Variants in GTPBP1 observed in about 807,000 individuals in gnomAD.
GTPBP1 encodes the protein GTP-binding protein 1.
Under a neutral mutation model 62.0 loss-of-function variants are expected in GTPBP1, and 23 were observed. That is an observed-to-expected ratio of 0.37 (90% CI 0.27 to 0.53). The LOEUF is 0.53. Among genes scored for constraint, GTPBP1 ranks in the 20% least tolerant of loss-of-function variants. The probability of loss-of-function intolerance (pLI) is 0.89; values close to 1 mark genes in which losing one functional copy is unlikely to be tolerated. For missense variants in GTPBP1, 640 were observed against 917.3 expected, an observed-to-expected ratio of 0.70 and a Z score of 3.90; for synonymous variants, 344 against 364.4, an observed-to-expected ratio of 0.94 and a Z score of 0.64.
At chr22:38,740,581 C>T (rs1395675065), downstream of GTPBP1, 5 of 828,540 alleles carry the variant, frequency 6.0e-6, no homozygotes, top group East Asian at 8.8e-5. The surrounding 1 kb of genome is among the most constrained non-coding windows in gnomAD (Gnocchi z 4.8). Context: ...CAAGGCCTCT[C>T]CTGGGGGTTC....
At chr22:38,715,810 G>T (rs897270494) in intron 2 of GTPBP1, 97 bp from the exon 3 acceptor site, 6 of 931,000 alleles carry the variant, frequency 6.4e-6, no homozygotes, top group Non-Finnish European at 1.0e-5. Context: ...GGGTCGGGGG[G>T]TGGTGGCCTT....
chr22:38,739,358 G>T, downstream of GTPBP1: 1 of 1,613,104 alleles, frequency 6.2e-7, no homozygotes, highest in Non-Finnish European at 8.5e-7. The surrounding 1 kb of genome is among the most constrained non-coding windows in gnomAD (Gnocchi z 6.7). Flanking sequence ...ACTCCAGGGC[G>T]TAGTCTGCCA....
At position 38,716,585 on chromosome 22, in the gene GTPBP1, A is replaced by G; in HGVS notation, c.486-67A>G. The G allele has an allele frequency of 5.1e-6, 6 of 1,168,192 alleles. No homozygotes were observed. Among genetic ancestry groups the G allele is most frequent in the African/African-American group, 1.5e-5 (1 of 66,066 alleles). 72.4% of individuals were successfully genotyped at this position (1,168,192 alleles called of 1,614,324 possible). ...ACTTGCGGATCCAATTACTGGGGTT[A>G]TGATGGTCGCTCCACCTCACTCATT... On this transcript the variant is annotated intron_variant, in intron 3 of 11. Coordinates refer to ENST00000216044, the MANE Select transcript of GTPBP1 (RefSeq NM_004286.5). This position sits in a 1 kb window ranked among gnomAD's most constrained non-coding sequence, Gnocchi z 5.2.
At chr22:38,738,764 C>T, downstream of GTPBP1, 1 of 1,612,562 alleles carries the variant, frequency 6.2e-7, no homozygotes, top group Non-Finnish European at 8.5e-7. This position sits in a 1 kb window ranked among gnomAD's most constrained non-coding sequence, Gnocchi z 6.6. Flanking sequence ...GCTGGAGGAG[C>T]AGAAAGTCAT....
downstream of GTPBP1, among the ~76,000 whole-genome samples, chr22:38,733,801 A>G (rs2092777671): frequency 6.6e-6 from 1 of 152,198 alleles, no homozygotes. Context: ...GGGAAGTACC[A>G]TGGAGCCGGC....
At chr22:38,733,895 C>T (rs2092778807), downstream of GTPBP1, among the ~76,000 whole-genome samples, 1 of 152,240 alleles carries the variant, frequency 6.6e-6, no homozygotes, top group Admixed American at 6.5e-5. Context: ...AGGCTCTGGA[C>T]TCTTGCCACA....
intron 1 of GTPBP1, among the ~76,000 whole-genome samples, chr22:38,708,442 G>T (rs1161677061): frequency 6.6e-6 from 1 of 152,162 alleles, no homozygotes; most frequent in Non-Finnish European, 1.5e-5. Flanking sequence ...GGGCATGGAG[G>T]TATATGAGGT....
At chr22:38,742,769 A>G (rs771981443), downstream of GTPBP1, 89 of 593,594 alleles carry the variant, frequency 1.5e-4, no homozygotes, top group Non-Finnish European at 2.0e-4. Flanking sequence ...GGTGCCGGCC[A>G]CAGAGGAAGG....
chr22:38,727,144 C>G lies in GTPBP1; in HGVS notation c.1402-69C>G, dbSNP rs1015052964. On this transcript the variant is annotated intron_variant, in intron 8 of 11. Transcript: ENST00000216044. The surrounding 1 kb of genome is among the most constrained non-coding windows in gnomAD (Gnocchi z 6.5). The stretch of plus-strand genomic sequence containing the variant: ...CCCTATCCCTAGAAAGACTCTTGGT[C>G]CCTGGGACCAGGGGTGAAACCAGAA... The G allele has an allele frequency of 1.5e-5, 22 of 1,425,428 alleles. No homozygotes were observed. In the African/African-American group the frequency reaches 3.1e-4, roughly 20 times the overall value. The allele number at this position is 1,425,428 out of a possible 1,614,324, so 88.3% of individuals were successfully genotyped here.
intron 2 of GTPBP1, among the ~76,000 whole-genome samples, chr22:38,714,202 A>G (rs965071885): frequency 2.6e-5 from 4 of 152,012 alleles, no homozygotes; most frequent in Non-Finnish European, 4.4e-5. Flanking sequence ...TGGGCCAGGC[A>G]TGATGGCTGA....
At chr22:38,728,904 T>G in intron 10 of GTPBP1, 1 of 152,830 alleles carries the variant, frequency 6.5e-6, no homozygotes, top group Non-Finnish European at 1.5e-5. Flanking sequence ...TTCAAGTCAG[T>G]TACTTCTGGC....
chr22:38,716,203 G>A lies in GTPBP1; in HGVS notation c.485+116G>A. Reference sequence around the variant, plus strand: ...TCCCCTCCTGAGGCGGGGAAAGAGTGTCCAGGTGTCTGGAGACGTGGGCTC... The same window carrying A: ...TCCCCTCCTGAGGCGGGGAAAGAGTATCCAGGTGTCTGGAGACGTGGGCTC... On this transcript the variant is annotated intron_variant, in intron 3 of 11. Transcript: ENST00000216044. This position sits in a 1 kb window ranked among gnomAD's most constrained non-coding sequence, Gnocchi z 5.2. 2 of 842,290 alleles carry A rather than the reference G, an allele frequency of 2.4e-6. No homozygotes were observed. The highest frequency in any genetic ancestry group is 1.7e-5 in the African/African-American group (1 of 57,898). The allele number at this position is 842,290 out of a possible 1,614,324, so 52.2% of individuals were successfully genotyped here. A position where few individuals can be genotyped will look rare whatever the true frequency, so the allele number is the denominator to read the frequency against.
At chr22:38,728,210 C>T in intron 10 of GTPBP1, 49 bp downstream of exon 10, 1 of 1,351,296 alleles carries the variant, frequency 7.4e-7, no homozygotes, top group Non-Finnish European at 1.1e-6. Flanking sequence ...CCAGGGGCCA[C>T]TCCTGTTCTG....
chr22:38,740,275 G>A (rs749230478), downstream of GTPBP1: 88 of 1,590,004 alleles, frequency 5.5e-5, no homozygotes, highest in Non-Finnish European at 7.2e-5. The surrounding 1 kb of genome is among the most constrained non-coding windows in gnomAD (Gnocchi z 4.8). Flanking sequence ...ACGTCGTCCC[G>A]CACGGCCTGG....
intron 2 of GTPBP1, among the ~76,000 whole-genome samples, chr22:38,709,868 A>G (rs1232726548): frequency 6.6e-6 from 1 of 152,220 alleles, no homozygotes; most frequent in Non-Finnish European, 1.5e-5. Flanking sequence ...ATTGTTCTCC[A>G]AGCTGCTTAT....
chr22:38,718,127 A>G (rs918020773), intron 4 of GTPBP1, among the ~76,000 whole-genome samples: 3 of 152,122 alleles, frequency 2.0e-5, no homozygotes, highest in African/African-American at 7.2e-5. Flanking sequence ...GCATGCCTTC[A>G]TTTCCCATTT....
chr22:38,728,232 G>A (rs1343684625), intron 10 of GTPBP1, 71 bp downstream of exon 10: 2 of 1,108,418 alleles, frequency 1.8e-6, no homozygotes, highest in South Asian at 1.3e-5. Context: ...GACCCTGAGT[G>A]CAGGGCAGAG....
chr22:38,737,987 T>G, downstream of GTPBP1: 1 of 714,392 alleles, frequency 1.4e-6, no homozygotes, highest in Non-Finnish European at 2.6e-6. This position sits in a 1 kb window ranked among gnomAD's most constrained non-coding sequence, Gnocchi z 4.1. Flanking sequence ...GAAGGTGCCT[T>G]CCCCTGTGCT....
At chr22:38,717,435 C>T (rs538381592) in intron 4 of GTPBP1, among the ~76,000 whole-genome samples, 10 of 152,238 alleles carry the variant, frequency 6.6e-5, no homozygotes, top group African/African-American at 7.2e-5. Context: ...AGGCCACAGT[C>T]GAGAGGCCCT....
Sources: gnomAD v4.1 joint callset for allele counts (sites outside exome capture counted in the v4.1 genomes callset) on GRCh38, gnomAD v4.1.1 for gene constraint, Gnocchi (gnomAD v3.1) non-coding constraint, MANE v1.5 for transcripts, NCBI Gene and HGNC (gene_info 2026-07-23, HGNC 2026-07-21) for gene names.